LPP: variants seen among roughly 807,000 people sequenced by gnomAD.
LPP encodes the protein LIM domain containing preferred translocation partner in lipoma, also known as lipoma-preferred partner.
LPP carries 38 observed loss-of-function variants against 60.4 expected under a neutral mutation model. The observed-to-expected ratio is 0.63, with a 90% CI of 0.49 to 0.83. The LOEUF (loss-of-function observed/expected upper bound fraction) is 0.83. Ranked by LOEUF, LPP falls within the 40% of genes least tolerant of loss-of-function variation. The probability of loss-of-function intolerance (pLI) is 0.00; values close to 1 mark genes in which losing one functional copy is unlikely to be tolerated. For synonymous variants in LPP, 328 were observed against 290.8 expected (o/e 1.13, Z -1.30); for missense variants, 902 against 783.6 (o/e 1.15, Z -1.80).
At chr3:188,506,274 T>C (rs570288044) in intron 5 of LPP, among the ~76,000 whole-genome samples, 2 of 152,284 alleles carry the variant, frequency 1.3e-5, no homozygotes, top group African/African-American at 4.8e-5. Flanking sequence ...AATGAGGATA[T>C]TAATAACAAT....
intron 5 of LPP, among the ~76,000 whole-genome samples, chr3:188,502,108 C>A (rs1812089682): frequency 1.3e-5 from 2 of 152,038 alleles, no homozygotes; most frequent in South Asian, 4.1e-4. Context: ...GGAACATGTC[C>A]CATGTGCACA....
chr3:188,523,513 G>A (rs80032194), intron 5 of LPP, among the ~76,000 whole-genome samples: 1 of 152,178 alleles, frequency 6.6e-6, no homozygotes, highest in Non-Finnish European at 1.5e-5. Flanking sequence ...TACCCTTTAC[G>A]CTTGCTTCAA....
At chr3:188,240,505 T>G (rs1577480021) in intron 2 of LPP, among the ~76,000 whole-genome samples, 1 of 152,272 alleles carries the variant, frequency 6.6e-6, no homozygotes, top group African/African-American at 2.4e-5. Flanking sequence ...CGTACTGAAT[T>G]TGACTGCTTT....
At chr3:188,237,644 A>C (rs1189842168) in intron 2 of LPP, among the ~76,000 whole-genome samples, 3 of 152,044 alleles carry the variant, frequency 2.0e-5, no homozygotes, top group Non-Finnish European at 2.9e-5. Context: ...GTATGAGAAG[A>C]AATATTTTGA....
intron 1 of LPP, among the ~76,000 whole-genome samples, chr3:188,209,833 A>AG: frequency 6.6e-6 from 1 of 152,348 alleles, no homozygotes; most frequent in East Asian, 1.9e-4. Context: ...TGAGTCCACA[A>AG]GGCCAGCAGT....
intron 3 of LPP, among the ~76,000 whole-genome samples, chr3:188,359,840 T>C (rs1768747175): frequency 6.6e-6 from 1 of 152,156 alleles, no homozygotes; most frequent in Admixed American, 6.5e-5. Flanking sequence ...TATTCTTGTA[T>C]TGCATGACGA....
At chr3:188,175,074 G>C (rs1722690222) in intron 1 of LPP, among the ~76,000 whole-genome samples, 1 of 152,036 alleles carries the variant, frequency 6.6e-6, no homozygotes, top group East Asian at 1.9e-4. Context: ...AGTTTCTTTA[G>C]AGTAGAATTT....
chr3:188,797,266 C>T (rs1251349848), intron 9 of LPP, among the ~76,000 whole-genome samples: 5 of 152,136 alleles, frequency 3.3e-5, no homozygotes, highest in African/African-American at 9.7e-5. Context: ...CTGTTTTTGT[C>T]ACGGATTTGC....
At position 188,820,538 on chromosome 3, in the gene LPP, A is replaced by C. The variant is rs74885245; in HGVS notation, c.1411-45662A>C. 4.0e-3 allele frequency among the ~76,000 whole-genome samples: 615 copies of C among 152,258 alleles called. 5 individuals carry two copies. The highest frequency in any genetic ancestry group is 0.01 in the Middle Eastern group (3 of 294). ...TTCTTGTCCAAAAGCCTACTTTCAT[A>C]TATGTGAATGTGAATTCCTACATTC... On this transcript the variant is annotated intron_variant, in intron 9 of 11. Coordinates refer to ENST00000617246, the MANE Select transcript of LPP (RefSeq NM_001375462.1).
At chr3:188,750,135 T>G (rs1727605590) in intron 8 of LPP, among the ~76,000 whole-genome samples, 1 of 152,186 alleles carries the variant, frequency 6.6e-6, no homozygotes, top group Non-Finnish European at 1.5e-5. Context: ...GCCAGCAGAA[T>G]GCCGCATGAA....
At chr3:188,634,772 CCCACTGATT>C (rs1326943572) in intron 7 of LPP, among the ~76,000 whole-genome samples, 2 of 152,126 alleles carry the variant, frequency 1.3e-5, no homozygotes, top group Non-Finnish European at 2.9e-5. Flanking sequence ...GCTCAGGGCT[CCCACTGATT>C]CCACTGATGG....
At chr3:188,375,102 G>A (rs981642847) in intron 3 of LPP, among the ~76,000 whole-genome samples, 8 of 152,024 alleles carry the variant, frequency 5.3e-5, no homozygotes, top group East Asian at 1.9e-4. Context: ...TGCTGGATTC[G>A]GTTTGCCAGT....
At chr3:188,183,654 T>C (rs1441476310) in intron 1 of LPP, among the ~76,000 whole-genome samples, 1 of 151,620 alleles carries the variant, frequency 6.6e-6, no homozygotes, top group African/African-American at 2.4e-5. Context: ...CTAATGACCA[T>C]GATAGCTGCC....
rs138078692 is a variant in LPP at position 188,686,742 on chromosome 3, G to A, written c.1114-21525G>A. Among the ~76,000 whole-genome samples, 334 of 152,256 alleles carry A rather than the reference G, an allele frequency of 2.2e-3. 1 individual carries two copies. Among genetic ancestry groups the A allele is most frequent in the African/African-American group, 7.7e-3 (320 of 41,554 alleles). ...AGATGGGAAGCCGAGGGAGGCCATG[G>A]GAAAGCTCTGATGGTGAGTATGGGA... On this transcript the variant is annotated intron_variant, in intron 7 of 11. Coordinates refer to ENST00000617246, the MANE Select transcript of LPP (RefSeq NM_001375462.1).
At chr3:188,175,948 T>G (rs576999176) in intron 1 of LPP, among the ~76,000 whole-genome samples, 34 of 152,250 alleles carry the variant, frequency 2.2e-4, no homozygotes, top group African/African-American at 8.2e-4. Flanking sequence ...CCTTTTCTAT[T>G]AATCACAGGA....
At chr3:188,257,659 A>G (rs1414644356) in intron 2 of LPP, among the ~76,000 whole-genome samples, 2 of 152,198 alleles carry the variant, frequency 1.3e-5, no homozygotes, top group African/African-American at 2.4e-5. Context: ...TGCAATTTTG[A>G]AGACAACTTC....
intron 4 of LPP, among the ~76,000 whole-genome samples, chr3:188,420,432 A>G (rs566618312): frequency 6.6e-6 from 1 of 152,340 alleles, no homozygotes; most frequent in South Asian, 2.1e-4. Context: ...TTTATTAATT[A>G]AAGAAATTAA....
chr3:188,800,177 T>TC (rs1240349661), intron 9 of LPP, among the ~76,000 whole-genome samples: 1 of 52,638 alleles, frequency 1.9e-5, no homozygotes, highest in Non-Finnish European at 3.0e-5. Flanking sequence ...CATTGTTTCT[T>TC]TTTTTTTTTT....
In LPP at chr3:188,607,890, AAT is replaced by A. The variant is rs1398716826; in HGVS notation, c.430-1268_430-1267del. On this transcript the variant is annotated intron_variant, in intron 6 of 11. Transcript: ENST00000617246. ...AATCATCTATAAATACAGATATGCA[AAT>A]ATGTTATTTTTTGAGACTTAAATGT... Among the ~76,000 whole-genome samples the A allele has an allele frequency of 2.0e-5, 3 of 152,264 alleles. 1 individual carries two copies. Among genetic ancestry groups the A allele is most frequent in the South Asian group, 4.1e-4 (2 of 4,822 alleles).
Sources: gnomAD v4.1 joint callset for allele counts (sites outside exome capture counted in the v4.1 genomes callset) on GRCh38, gnomAD v4.1.1 for gene constraint, MANE v1.5 for transcripts, NCBI Gene and HGNC (gene_info 2026-07-23, HGNC 2026-07-21) for gene names.